The following LGALS12 variants were observed in gnomAD, a reference collection of about 807,000 sequenced individuals.
LGALS12 encodes the protein galectin 12.
Under a neutral mutation model 36.8 loss-of-function variants are expected in LGALS12, and 36 were observed. That is an observed-to-expected ratio of 0.98 (90% confidence interval 0.75 to 1.29). The LOEUF is 1.29. Among genes scored for constraint, LGALS12 ranks in the 50% most tolerant of loss-of-function variants. The pLI is 0.00. For synonymous variants in LGALS12, 145 were observed against 155.9 expected, an observed-to-expected ratio of 0.93 and a Z score of 0.52; for missense variants, 366 against 394.3, an observed-to-expected ratio of 0.93 and a Z score of 0.61.
At chr11:63,516,158 G>C (rs1022542932) in intron 8 of LGALS12, 89 bp from the exon 9 acceptor site, 28 of 1,474,796 alleles carry the variant, frequency 1.9e-5, no homozygotes, top group South Asian at 2.7e-5. Context: ...TGTCCTATGA[G>C]AGGAGGAGGG....
At chr11:63,512,652 G>A (rs1367440430) in intron 7 of LGALS12, among the ~76,000 whole-genome samples, 1 of 152,036 alleles carries the variant, frequency 6.6e-6, no homozygotes, top group Non-Finnish European at 1.5e-5. Context: ...AGCCGGGCAT[G>A]GTGGCGCATG....
Position 63,510,888 on chromosome 11 carries a change from C to T in LGALS12, c.532-191C>T, listed in dbSNP as rs371137387. Among the ~76,000 whole-genome samples, 19 of 152,314 alleles carry T rather than the reference C, an allele frequency of 1.2e-4. No homozygotes were observed. In the South Asian group the frequency reaches 1.4e-3, roughly 12 times the overall value. ...GGAGTGGATGACAAATCCTCCACCC[C>T]GTTCTTCCCTATTATTCCAGCGCTG... On this transcript the variant is annotated intron_variant, in intron 5 of 8. Coordinates refer to ENST00000394618, the MANE Select transcript of LGALS12 (RefSeq NM_033101.4).
chr11:63,515,118 A>C (rs1422245784), intron 7 of LGALS12, among the ~76,000 whole-genome samples: 1 of 152,222 alleles, frequency 6.6e-6, no homozygotes, highest in East Asian at 1.9e-4. Context: ...CAGGACTAGA[A>C]AGTAGCAGAG....
In LGALS12 at chr11:63,508,599, A is replaced by C; in HGVS notation, c.116A>C (p.Lys39Thr). ...TTIFGGLHAG[K>T]MVMLQGVVPL... is the part of the protein sequence containing the mutation. ...ATTTTTGGAGGCCTGCATGCAGGCAAGATGGTCATGCTGCAAGGAGTGGTC... is the reference window on the plus strand; with the variant it reads ...ATTTTTGGAGGCCTGCATGCAGGCACGATGGTCATGCTGCAAGGAGTGGTC... The change falls in exon 2 of 9, where the codon AAG becomes ACG. Residue 39 changes from lysine to threonine, a missense_variant. By Grantham distance (78) the Lys-to-Thr change is moderately conservative (BLOSUM62 -1). Transcript: ENST00000394618. The C allele has an allele frequency of 6.2e-7, 1 of 1,614,188 alleles. No individual in the cohort carries two copies. The highest frequency in any genetic ancestry group is 8.5e-7 in the Non-Finnish European group (1 of 1,180,024).
chr11:63,510,196 C>T (rs947706064), intron 4 of LGALS12, among the ~76,000 whole-genome samples: 93 of 152,284 alleles, frequency 6.1e-4, no homozygotes, highest in African/African-American at 2.1e-3. Flanking sequence ...GGGGCCGAAA[C>T]GGGTGGCAGC....
intron 1 of LGALS12, among the ~76,000 whole-genome samples, chr11:63,507,725 CTT>C (rs199594642): frequency 2.3e-4 from 16 of 69,946 alleles, no homozygotes; most frequent in African/African-American, 7.1e-4. Flanking sequence ...CAGGCAACTT[CTT>C]TTTTTTTTTT....
chr11:63,516,331 C>CT lies in LGALS12; in HGVS notation c.884dup (p.Glu296GlyfsTer113), dbSNP rs756760390. On this transcript the variant is annotated frameshift_variant, in exon 9 of 9. Coordinates refer to ENST00000394618, the MANE Select transcript of LGALS12 (RefSeq NM_033101.4). LOFTEE classifies it high-confidence loss of function. ...GGCCACCAGCATGAACCAGCAGGCC[C>CT]TGGAGCAGCTGCGGGAGCTCCGGAT... 5 of 1,613,516 alleles carry CT rather than the reference C, an allele frequency of 3.1e-6. No individual in the cohort carries two copies. Among genetic ancestry groups the CT allele is most frequent in the Admixed American group, 3.3e-5 (2 of 59,964 alleles).
intron 1 of LGALS12, among the ~76,000 whole-genome samples, chr11:63,507,372 G>C (rs184158079): frequency 5.1e-4 from 77 of 152,294 alleles, no homozygotes; most frequent in African/African-American, 1.3e-3. Flanking sequence ...GGCCAATCCT[G>C]TGATACCACT....
At position 63,516,120 on chromosome 11, in the gene LGALS12, A is replaced by G. The variant is rs922424993; in HGVS notation, c.799-127A>G. The G allele has an allele frequency of 3.3e-6, 4 of 1,198,124 alleles. No homozygotes were observed. The Admixed American group carries it at 7.7e-5, about 23-fold the overall frequency. The allele number at this position is 1,198,124 out of a possible 1,614,324, so 74.2% of individuals were successfully genotyped here. On this transcript the variant is annotated intron_variant, in intron 8 of 8. Transcript: ENST00000394618. ...TTATCCTGTTCTTTTCCAGCACTGT[A>G]CTGGGTGCCCCCTGGGTCCAGTCTT...
Position 63,516,529 on chromosome 11 carries a change from A to G in LGALS12, c.*136A>G. ...GTTCACCTCTGGGGTCACGAGACTG[A>G]GTCTACAGGAGCTTTGGGCCTGAGG... is the stretch of plus-strand genomic sequence containing the variant. On this transcript the variant is annotated 3_prime_UTR_variant, in exon 9 of 9. Transcript: ENST00000394618. The G allele has an allele frequency of 2.0e-6, 2 of 1,012,864 alleles. No individual in the cohort carries two copies. The highest frequency in any genetic ancestry group is 1.4e-5 in the South Asian group (1 of 69,206). The allele number at this position is 1,012,864 out of a possible 1,614,324, so 62.7% of individuals were successfully genotyped here. A position where few individuals can be genotyped will look rare whatever the true frequency, so the allele number is the denominator to read the frequency against.
rs763073000 is a variant in LGALS12 at position 63,506,333 on chromosome 11, G to A, written c.-126G>A. On this transcript the variant is annotated 5_prime_UTR_variant, in exon 1 of 9. Coordinates refer to ENST00000394618, the MANE Select transcript of LGALS12 (RefSeq NM_033101.4). Reference sequence around the variant, plus strand: ...AGACAGCATTAAAACGCTGCAGGTCGCAGGTGAGACTAACAGCTGGGAGAG... The same window carrying A: ...AGACAGCATTAAAACGCTGCAGGTCACAGGTGAGACTAACAGCTGGGAGAG... The A allele has an allele frequency of 1.0e-5, 16 of 1,605,424 alleles. No homozygotes were observed. The highest frequency in any genetic ancestry group is 1.8e-4 in the Middle Eastern group (1 of 5,494).
At position 63,515,641 on chromosome 11, in the gene LGALS12, C is replaced by T. The variant is rs150869633; in HGVS notation, c.726C>T (p.Ala242=). The T allele has an allele frequency of 2.1e-4, 333 of 1,614,120 alleles. No individual in the cohort carries two copies. Among genetic ancestry groups the T allele is most frequent in the Non-Finnish European group, 2.7e-4 (316 of 1,180,042 alleles). ...LRASFADRTL[A]WISRWGQKKL... ...CCTCCTTCGCAGACAGAACTCTGGC[C>T]TGGATCTCCCGCTGGGGGCAGAAGA... The change falls in exon 8 of 9, where the codon GCC becomes GCT. Residue 242 remains alanine, a synonymous_variant. Coordinates refer to ENST00000394618, the MANE Select transcript of LGALS12 (RefSeq NM_033101.4).
chr11:63,511,932 C>T, intron 7 of LGALS12, 92 bp downstream of exon 7: 1 of 874,100 alleles, frequency 1.1e-6, no homozygotes, highest in Non-Finnish European at 1.9e-6. Context: ...TCTCCTAGCA[C>T]CACCATTTAA....
At chr11:63,514,314 G>C (rs1019232056) in intron 7 of LGALS12, among the ~76,000 whole-genome samples, 1 of 152,208 alleles carries the variant, frequency 6.6e-6, no homozygotes, top group African/African-American at 2.4e-5. Context: ...GCTCAAGCCT[G>C]TAATCCCAGC....
intron 3 of LGALS12, 131 bp downstream of exon 3, chr11:63,509,122 C>A: frequency 1.3e-6 from 1 of 754,596 alleles, no homozygotes; most frequent in Non-Finnish European, 2.2e-6. Flanking sequence ...GACCAAGGAG[C>A]TGCCATGCCC....
Position 63,508,630 on chromosome 11 carries a change from A to C in LGALS12, c.147A>C (p.Leu49=), listed in dbSNP as rs2016816393. ...KMVMLQGVVP[L]DAHRFQVDFQ... Reference sequence around the variant, plus strand: ...TCATGCTGCAAGGAGTGGTCCCTCTAGATGCACACAGGTAAGGCGGGGGAG... The same window carrying C: ...TCATGCTGCAAGGAGTGGTCCCTCTCGATGCACACAGGTAAGGCGGGGGAG... The change falls in exon 2 of 9, where the codon CTA becomes CTC. Residue 49 remains leucine (L), a synonymous_variant. Coordinates refer to ENST00000394618, the MANE Select transcript of LGALS12 (RefSeq NM_033101.4). The C allele has an allele frequency of 6.2e-7, 1 of 1,613,972 alleles. No individual in the cohort carries two copies. The highest frequency in any genetic ancestry group is 8.5e-7 in the Non-Finnish European group (1 of 1,180,024).
intron 7 of LGALS12, among the ~76,000 whole-genome samples, chr11:63,515,234 TATC>T (rs1421652839): frequency 6.6e-6 from 1 of 152,242 alleles, no homozygotes; most frequent in Non-Finnish European, 1.5e-5. Flanking sequence ...TAGCTGTAGC[TATC>T]ATCATCATAA....
intron 7 of LGALS12, among the ~76,000 whole-genome samples, chr11:63,512,100 G>A (rs2016943972): frequency 6.6e-6 from 1 of 152,204 alleles, no homozygotes; most frequent in Non-Finnish European, 1.5e-5. Context: ...TCTTGTCCCA[G>A]GTCCTAGGAA....
rs569928201 is a variant in LGALS12, at chr11:63,508,224, G to A, written c.70-329G>A. The A allele has an allele frequency of 3.8e-4, 446 of 1,185,100 alleles. 2 individuals are homozygous for A. The highest frequency in any genetic ancestry group is 1.8e-3 in the South Asian group (94 of 50,818). The allele number at this position is 1,185,100 out of a possible 1,614,324, so 73.4% of individuals were successfully genotyped here. ...GTACCAGGCTTCTGGGGACCAGGGT[G>A]ACATCTAGTGGATGGCAAGCCTCCC... is the stretch of plus-strand genomic sequence containing the variant. On this transcript the variant is annotated intron_variant, in intron 1 of 8. Transcript: ENST00000394618.
Sources: gnomAD v4.1 joint callset for allele counts (sites outside exome capture counted in the v4.1 genomes callset) on GRCh38, gnomAD v4.1.1 for gene constraint, MANE v1.5 for transcripts, NCBI Gene and HGNC (gene_info 2026-07-23, HGNC 2026-07-21) for gene names.